The following MTOR variants were observed in gnomAD, a reference collection of about 807,000 sequenced individuals.
MTOR encodes the protein serine/threonine-protein kinase mTOR.
In MTOR, 70 loss-of-function variants were observed where a neutral mutation model predicts 319.8. That is an observed-to-expected ratio of 0.22 (90% CI 0.18 to 0.27). MTOR has a LOEUF of 0.27. Ranked by LOEUF, MTOR falls within the 10% of genes least tolerant of loss-of-function variation. The probability of loss-of-function intolerance (pLI) is 1.00; values close to 1 mark genes in which losing one functional copy is unlikely to be tolerated. For synonymous variants in MTOR, 1,183 were observed against 1,211.4 expected (o/e 0.98, Z 0.49); for missense variants, 1,890 against 3,274.4 (o/e 0.58, Z 10.32).
rs1643303289 is a variant in MTOR at position 11,134,332 on chromosome 1, A to G, written c.5246+19T>C. The G allele has an allele frequency of 5.0e-6, 8 of 1,609,658 alleles. No homozygotes were observed. The East Asian group carries it at 1.8e-4, about 36-fold the overall frequency. On this transcript the variant is annotated intron_variant, in intron 37 of 57. Coordinates refer to ENST00000361445, the MANE Select transcript of MTOR (RefSeq NM_004958.4). ...ACAGGGCTGGAATATGACTTGCCCC[A>G]GGTCAGTGGGGACCTCACCGGGCCA... is the stretch of plus-strand genomic sequence containing the variant.
At chr1:11,189,978 G>A (rs1645465666) in intron 28 of MTOR, 1 of 1,580,364 alleles carries the variant, frequency 6.3e-7, no homozygotes, top group Non-Finnish European at 8.6e-7. Flanking sequence ...GTCCCCTGAG[G>A]GAGCGTGGAG....
chr1:11,211,537 T>C (rs760911225), intron 23 of MTOR, among the ~76,000 whole-genome samples: 4 of 152,118 alleles, frequency 2.6e-5, no homozygotes, highest in Non-Finnish European at 5.9e-5. Context: ...CTGGCTAAGT[T>C]TTAAATTTTT....
intron 25 of MTOR, among the ~76,000 whole-genome samples, chr1:11,207,597 C>CTT (rs34578052): frequency 5.8e-5 from 7 of 121,684 alleles, no homozygotes; most frequent in African/African-American, 9.0e-5. Context: ...TTTTCAATTC[C>CTT]TTTTTTTTTT....
At position 11,128,370 on chromosome 1, in the gene MTOR, C is replaced by G; in HGVS notation, c.5910+84G>C. The G allele has an allele frequency of 7.1e-7, 1 of 1,409,504 alleles. No individual in the cohort carries two copies. The highest frequency in any genetic ancestry group is 1.0e-6 in the Non-Finnish European group (1 of 1,002,346). 87.3% of individuals were successfully genotyped at this position (1,409,504 alleles called of 1,614,324 possible). On this transcript the variant is annotated intron_variant, in intron 42 of 57. Coordinates refer to ENST00000361445, the MANE Select transcript of MTOR (RefSeq NM_004958.4). This position sits in a 1 kb window ranked among gnomAD's most constrained non-coding sequence, Gnocchi z 5.3. The stretch of plus-strand genomic sequence containing the variant: ...TGGAACACATGGCTCCCAGTTCCTG[C>G]GCTTGTGTCGCCAGGGCAGCTTTTG...
At chr1:11,122,789 G>A (rs1642611158) in intron 47 of MTOR, among the ~76,000 whole-genome samples, 1 of 152,110 alleles carries the variant, frequency 6.6e-6, no homozygotes, top group Non-Finnish European at 1.5e-5. Context: ...TTACAGGCGT[G>A]AGCCACCGCG....
intron 19 of MTOR, among the ~76,000 whole-genome samples, chr1:11,220,329 G>A (rs982080366): frequency 6.6e-6 from 1 of 152,102 alleles, no homozygotes; most frequent in Non-Finnish European, 1.5e-5. Flanking sequence ...AAGTGGGATC[G>A]TATCTACAGT....
At chr1:11,194,731 A>G (rs763361214) in intron 28 of MTOR, 5 of 1,606,672 alleles carry the variant, frequency 3.1e-6, no homozygotes, top group Non-Finnish European at 4.3e-6. Flanking sequence ...AGAAAGAGTG[A>G]ATTATAACTG....
intron 30 of MTOR, among the ~76,000 whole-genome samples, chr1:11,153,674 T>C (rs1457183484): frequency 6.6e-6 from 1 of 152,210 alleles, no homozygotes; most frequent in African/African-American, 2.4e-5. Flanking sequence ...AAGTTCTCTA[T>C]GTGCACTGTC....
chr1:11,115,048 GAAAGACAACTTAAAAAAAA>G lies in MTOR; in HGVS notation c.7090-180_7090-162del, dbSNP rs1642091368. On this transcript the variant is annotated intron_variant, in intron 51 of 57. Coordinates refer to ENST00000361445, the MANE Select transcript of MTOR (RefSeq NM_004958.4). This position sits in a 1 kb window ranked among gnomAD's most constrained non-coding sequence, Gnocchi z 4.5. ...GTGAGAGGACTTGTCACAGGGATTT[GAAAGACAACTTAAAAAAAA>G]AAAGAAACGAACAACAGAAAAGAAG... is the stretch of plus-strand genomic sequence containing the variant. 6.6e-6 allele frequency among the ~76,000 whole-genome samples: 1 copy of G among 151,248 alleles called. No individual in the cohort carries two copies. The highest frequency in any genetic ancestry group is 2.1e-4 in the South Asian group (1 of 4,796).
At chr1:11,113,781 T>C (rs1382033460) in intron 53 of MTOR, among the ~76,000 whole-genome samples, 1 of 152,188 alleles carries the variant, frequency 6.6e-6, no homozygotes, top group East Asian at 1.9e-4. Flanking sequence ...CCCACCTTAA[T>C]ATGGTTTGGC....
intron 34 of MTOR, among the ~76,000 whole-genome samples, chr1:11,140,558 C>CGT (rs1643650288): frequency 6.6e-6 from 1 of 152,124 alleles, no homozygotes; most frequent in Non-Finnish European, 1.5e-5. Flanking sequence ...CCCTTAGGGG[C>CGT]GTCTCAGCAG....
intron 28 of MTOR, 22 bp from the exon 29 acceptor site, chr1:11,167,539 G>GT: frequency 6.2e-7 from 1 of 1,601,216 alleles, no homozygotes; most frequent in Non-Finnish European, 8.5e-7. Context: ...AAGGGAAAAG[G>GT]TAGTTACACT....
intron 18 of MTOR, among the ~76,000 whole-genome samples, 165 bp from the exon 19 acceptor site, chr1:11,229,083 G>C (rs1646937065): frequency 6.6e-6 from 1 of 152,142 alleles, no homozygotes; most frequent in Non-Finnish European, 1.5e-5. Flanking sequence ...AGGAACCAAT[G>C]AATAGCCTCT....
chr1:11,160,075 C>CATTCATTT (rs1553179762), intron 29 of MTOR, among the ~76,000 whole-genome samples: 1 of 143,338 alleles, frequency 7.0e-6, no homozygotes, highest in African/African-American at 2.6e-5. Flanking sequence ...TCAATTATAG[C>CATTCATTT]ATTTATTTAT....
intron 6 of MTOR, among the ~76,000 whole-genome samples, chr1:11,250,070 G>A (rs1435414921): frequency 9.4e-5 from 13 of 137,838 alleles, no homozygotes; most frequent in Non-Finnish European, 1.6e-4. Context: ...CCTCCCTCCC[G>A]GACGGGGCGG....
Position 11,256,247 on chromosome 1 carries a change from A to G in MTOR, c.505-55T>C, listed in dbSNP as rs1243209898. ...ATTGGTACCAGAGTTTTGTTCTCTC[A>G]GGAGTACAGTCTCTTGTCATCTTAG... On this transcript the variant is annotated intron_variant, in intron 4 of 57. Transcript: ENST00000361445. The G allele has an allele frequency of 5.7e-6, 9 of 1,567,268 alleles. No individual in the cohort carries two copies. In the East Asian group the frequency reaches 2.1e-4, roughly 36 times the overall value.
chr1:11,235,790 T>C (rs547306650), intron 13 of MTOR, among the ~76,000 whole-genome samples: 2 of 152,042 alleles, frequency 1.3e-5, no homozygotes, highest in Non-Finnish European at 2.9e-5. Flanking sequence ...GAGACCAGCC[T>C]GGCCAACATG....
chr1:11,162,124 C>A (rs914491151), intron 29 of MTOR, among the ~76,000 whole-genome samples: 3 of 152,176 alleles, frequency 2.0e-5, no homozygotes, highest in Non-Finnish European at 2.9e-5. Context: ...GGCATGAGAA[C>A]TACGTGATGC....
chr1:11,130,958 T>G, intron 38 of MTOR, 181 bp from the exon 39 acceptor site: 2 of 740,880 alleles, frequency 2.7e-6, no homozygotes, highest in Non-Finnish European at 4.3e-6. Flanking sequence ...ATCCACTCAC[T>G]TTGTGGAGCA....
Sources: allele counts gnomAD v4.1 joint callset (sites outside exome capture counted in the v4.1 genomes callset), GRCh38; gene constraint gnomAD v4.1.1; non-coding constraint Gnocchi (gnomAD v3.1); transcripts MANE v1.5; gene names NCBI Gene and HGNC (gene_info 2026-07-23, HGNC 2026-07-21).